The following NIPBL variants were observed in gnomAD, a reference collection of about 807,000 sequenced individuals.
NIPBL encodes nipped-B-like protein.
In NIPBL, 19 loss-of-function variants were observed where a neutral mutation model predicts 321.8. That is an observed-to-expected ratio of 0.06 (90% confidence interval 0.04 to 0.09). The LOEUF is 0.09. Ranked by LOEUF, NIPBL falls within the 10% of genes least tolerant of loss-of-function variation. The probability of loss-of-function intolerance (pLI) is 1.00; values close to 1 mark genes in which losing one functional copy is unlikely to be tolerated. For synonymous variants in NIPBL, 1,106 were observed against 1,114.1 expected, an observed-to-expected ratio of 0.99 and a Z score of 0.14; for missense variants, 2,210 against 3,327.0, an observed-to-expected ratio of 0.66 and a Z score of 8.26.
At position 36,945,464 on chromosome 5, in the gene NIPBL, A is replaced by G. The variant is rs192308738; in HGVS notation, c.-79-8154A>G. On this transcript the variant is annotated intron_variant, in intron 1 of 46. Transcript: ENST00000282516. Reference sequence around the variant, plus strand: ...TCTCAACTTTATTTACTTAGTGGTAACTTTTCTTTCTCTGCATAATAGTAC... The same window carrying G: ...TCTCAACTTTATTTACTTAGTGGTAGCTTTTCTTTCTCTGCATAATAGTAC... 1.8e-3 allele frequency among the ~76,000 whole-genome samples: 274 copies of G among 152,262 alleles called. 1 individual carries two copies. Among genetic ancestry groups the G allele is most frequent in the African/African-American group, 6.2e-3 (258 of 41,564 alleles).
chr5:36,965,253 T>C (rs1485948624), intron 6 of NIPBL, among the ~76,000 whole-genome samples: 1 of 151,956 alleles, frequency 6.6e-6, no homozygotes, highest in African/African-American at 2.4e-5. Flanking sequence ...ATTCACAAAA[T>C]AGCCAAAATA....
intron 6 of NIPBL, among the ~76,000 whole-genome samples, 186 bp from the exon 7 acceptor site, chr5:36,970,690 G>C (rs572533599): frequency 5.9e-5 from 9 of 152,060 alleles, no homozygotes; most frequent in African/African-American, 2.2e-4. Flanking sequence ...TAATGTTTTA[G>C]TTCTTTTCAA....
chr5:37,025,679 C>T (rs1364518572), intron 30 of NIPBL, among the ~76,000 whole-genome samples: 1 of 152,054 alleles, frequency 6.6e-6, no homozygotes, highest in Non-Finnish European at 1.5e-5. Context: ...ATGTTCCTAA[C>T]ACAAAGAAAT....
At chr5:36,898,017 A>G (rs1203777797) in intron 1 of NIPBL, among the ~76,000 whole-genome samples, 3 of 152,180 alleles carry the variant, frequency 2.0e-5, no homozygotes, top group Non-Finnish European at 4.4e-5. Flanking sequence ...AGGAAAAAAT[A>G]ACAGATTACA....
chr5:36,894,542 G>A (rs1746588767), intron 1 of NIPBL, among the ~76,000 whole-genome samples: 2 of 152,030 alleles, frequency 1.3e-5, no homozygotes, highest in African/African-American at 2.4e-5. Context: ...TTGATAACTT[G>A]TTTTGTATTT....
chr5:36,913,508 GC>G (rs1748215515), intron 1 of NIPBL, among the ~76,000 whole-genome samples: 1 of 151,212 alleles, frequency 6.6e-6, no homozygotes, highest in South Asian at 2.1e-4. Context: ...ACCTGTCTCA[GC>G]CTCCTAAATA....
rs773008376 is a variant in NIPBL, at chr5:37,061,015, A to G, written c.7857A>G (p.Leu2619=). Residue 2619 remains leucine, a synonymous_variant, in exon 45 of 47, where the codon CTA becomes CTG. Transcript: ENST00000282516. ...AAAGGAGTATAGTAAAACAGTATCT[A>G]GATGTGAGTAGTAAAACCAAAAGTT... ...EVKRSIVKQY[L]DFKLLMEHLD... The G allele has an allele frequency of 2.5e-6, 4 of 1,613,964 alleles. No individual in the cohort carries two copies. The highest frequency in any genetic ancestry group is 2.5e-6 in the Non-Finnish European group (3 of 1,179,900).
chr5:36,914,789 C>T (rs946470703), intron 1 of NIPBL, among the ~76,000 whole-genome samples: 7 of 152,232 alleles, frequency 4.6e-5, no homozygotes, highest in African/African-American at 1.4e-4. Context: ...TTATTACTTT[C>T]AAAACTATAT....
intron 1 of NIPBL, among the ~76,000 whole-genome samples, chr5:36,879,807 T>C (rs1166595970): frequency 2.6e-5 from 4 of 152,114 alleles, no homozygotes; most frequent in African/African-American, 9.7e-5. Context: ...CAATAACTTT[T>C]GTTACTTGAA....
intron 1 of NIPBL, chr5:36,886,035 G>C: frequency 2.8e-6 from 2 of 714,208 alleles, no homozygotes; most frequent in South Asian, 2.8e-5. Flanking sequence ...ATTGAGGAGA[G>C]CACCACAGTG....
intron 22 of NIPBL, among the ~76,000 whole-genome samples, chr5:37,015,140 T>G (rs1748787247): frequency 6.6e-6 from 1 of 151,900 alleles, no homozygotes; most frequent in Non-Finnish European, 1.5e-5. Context: ...TTTTTTTTAA[T>G]GAGACAGAGT....
At chr5:36,922,888 G>C (rs527708493) in intron 1 of NIPBL, among the ~76,000 whole-genome samples, 3 of 152,188 alleles carry the variant, frequency 2.0e-5, no homozygotes, top group Admixed American at 6.5e-5. Context: ...TTGAACTACA[G>C]ATTTCTTTTC....
At chr5:36,990,162 A>G (rs1745329734) in intron 10 of NIPBL, among the ~76,000 whole-genome samples, 1 of 152,204 alleles carries the variant, frequency 6.6e-6, no homozygotes, top group South Asian at 2.1e-4. Context: ...TTCACTGGGA[A>G]TGTATCTAGC....
At chr5:36,969,951 A>G (rs931079800) in intron 6 of NIPBL, among the ~76,000 whole-genome samples, 8 of 151,986 alleles carry the variant, frequency 5.3e-5, no homozygotes, top group African/African-American at 1.5e-4. Context: ...ACACATTTAT[A>G]AAAACAGTCC....
chr5:37,036,699 A>G (rs1751737020), intron 33 of NIPBL, among the ~76,000 whole-genome samples: 2 of 150,938 alleles, frequency 1.3e-5, no homozygotes, highest in African/African-American at 4.9e-5. Context: ...GCATTGTAAT[A>G]AAAGCATGGG....
intron 1 of NIPBL, among the ~76,000 whole-genome samples, chr5:36,925,957 C>A (rs1332169455): frequency 1.3e-5 from 2 of 152,178 alleles, no homozygotes; most frequent in African/African-American, 4.8e-5. Flanking sequence ...AGCTAGGTAT[C>A]ATTTATGAAT....
intron 1 of NIPBL, among the ~76,000 whole-genome samples, chr5:36,944,539 C>G (rs1244747220): frequency 6.6e-6 from 1 of 152,032 alleles, no homozygotes; most frequent in Non-Finnish European, 1.5e-5. Context: ...ACCAAAATGG[C>G]AAAGACTATT....
chr5:37,015,672 C>A (rs181857905), intron 22 of NIPBL, among the ~76,000 whole-genome samples: 1 of 151,936 alleles, frequency 6.6e-6, no homozygotes, highest in Non-Finnish European at 1.5e-5. Context: ...GGAGGGTTGC[C>A]GTAAGCCAAG....
At chr5:36,933,990 C>T (rs1375485929) in intron 1 of NIPBL, among the ~76,000 whole-genome samples, 1 of 151,976 alleles carries the variant, frequency 6.6e-6, no homozygotes, top group Non-Finnish European at 1.5e-5. Context: ...TAATAAAAAA[C>T]AAATGTGACG....
Sources: gnomAD v4.1 joint callset for allele counts (sites outside exome capture counted in the v4.1 genomes callset) on GRCh38, gnomAD v4.1.1 for gene constraint, MANE v1.5 for transcripts, NCBI Gene and HGNC (gene_info 2026-07-23, HGNC 2026-07-21) for gene names.